Variants in NTM observed in about 807,000 individuals in gnomAD.
NTM encodes IgLON family member 2.
A neutral mutation model predicts 42.1 loss-of-function variants in NTM; 13 were observed. The ratio of observed to expected loss-of-function variants is 0.31; its 90% confidence interval spans 0.20 to 0.49. The LOEUF (loss-of-function observed/expected upper bound fraction) is 0.49. Ranked by LOEUF, NTM falls within the 20% of genes least tolerant of loss-of-function variation. NTM has a pLI of 0.99. For synonymous variants in NTM, 187 were observed against 179.2 expected (o/e 1.04, Z -0.35); for missense variants, 373 against 452.8 (o/e 0.82, Z 1.60).
At chr11:131,423,197 C>T (rs945913887) in intron 1 of NTM, among the ~76,000 whole-genome samples, 20 of 152,172 alleles carry the variant, frequency 1.3e-4, no homozygotes, top group Non-Finnish European at 2.6e-4. Flanking sequence ...CATCCTTTCA[C>T]TTATTACTTA....
intron 1 of NTM, among the ~76,000 whole-genome samples, chr11:131,500,623 TG>T (rs1314346434): frequency 6.9e-6 from 1 of 145,874 alleles, no homozygotes; most frequent in Non-Finnish European, 1.5e-5. Flanking sequence ...CTAGGGTACA[TG>T]GGCACAACGT....
At chr11:132,314,861 G>C in intron 7 of NTM, 158 bp downstream of exon 7, 1 of 1,387,180 alleles carries the variant, frequency 7.2e-7, no homozygotes, top group South Asian at 1.9e-5. Flanking sequence ...AAGAAATGGA[G>C]AGAGAGGGAC....
At chr11:131,826,636 A>C (rs1250918183) in intron 1 of NTM, among the ~76,000 whole-genome samples, 1 of 151,704 alleles carries the variant, frequency 6.6e-6, no homozygotes, top group Non-Finnish European at 1.5e-5. Flanking sequence ...AGGAAAGAAG[A>C]GCAAAGGCCA....
intron 1 of NTM, among the ~76,000 whole-genome samples, chr11:131,720,748 C>A (rs2135395068): frequency 6.6e-6 from 1 of 152,314 alleles, no homozygotes; most frequent in South Asian, 2.1e-4. Context: ...CAACTTCCAA[C>A]TGTGAAACAG....
chr11:132,057,126 A>G (rs1482261920), intron 2 of NTM, among the ~76,000 whole-genome samples: 1 of 152,226 alleles, frequency 6.6e-6, no homozygotes, highest in African/African-American at 2.4e-5. Context: ...AAAAAGAGCA[A>G]ATGTTTAGCC....
chr11:131,473,333 A>C (rs1301683046), intron 1 of NTM, among the ~76,000 whole-genome samples: 3 of 152,056 alleles, frequency 2.0e-5, no homozygotes, highest in African/African-American at 7.2e-5. Context: ...CTGCTCCAAG[A>C]GGGTTTCCTA....
At chr11:131,804,715 T>A (rs1006395100) in intron 1 of NTM, among the ~76,000 whole-genome samples, 9 of 152,190 alleles carry the variant, frequency 5.9e-5, no homozygotes, top group African/African-American at 2.2e-4. Context: ...TCTCTATTGC[T>A]GTGGTTTGCA....
intron 1 of NTM, among the ~76,000 whole-genome samples, chr11:131,422,801 A>AT (rs1947674501): frequency 6.6e-6 from 1 of 152,156 alleles, no homozygotes; most frequent in Admixed American, 6.6e-5. Context: ...TATCTGATGC[A>AT]TTTTACATGT....
intron 1 of NTM, chr11:131,534,998 A>G (rs1030800085): frequency 1.3e-5 from 2 of 152,200 alleles, no homozygotes; most frequent in African/African-American, 4.8e-5. Context: ...TTGCTCTGCA[A>G]CCACCACTGA....
intron 2 of NTM, among the ~76,000 whole-genome samples, chr11:132,038,990 G>T (rs776941037): frequency 1.3e-5 from 2 of 152,158 alleles, no homozygotes; most frequent in Non-Finnish European, 2.9e-5. Context: ...CTCAAGTCTT[G>T]CTCCGTGTCT....
chr11:131,682,070 C>T (rs1177116596), intron 1 of NTM, among the ~76,000 whole-genome samples: 1 of 152,110 alleles, frequency 6.6e-6, no homozygotes, highest in Non-Finnish European at 1.5e-5. Context: ...CAGGCAGAAC[C>T]GACGCACCTA....
intron 1 of NTM, among the ~76,000 whole-genome samples, chr11:131,573,893 C>G (rs2057690258): frequency 6.6e-6 from 1 of 152,186 alleles, no homozygotes; most frequent in East Asian, 1.9e-4. Context: ...CCTGCGGGCA[C>G]TGGAATCTCC....
At chr11:131,851,532 C>CGCGCGTGTGTGTGTGTGTGT (rs147213224) in intron 1 of NTM, among the ~76,000 whole-genome samples, 2 of 146,702 alleles carry the variant, frequency 1.4e-5, no homozygotes, top group Admixed American at 6.8e-5. Context: ...GTGAGAATGG[C>CGCGCGTGTGTGTGTGTGTGT]GTGTGTGTGT....
chr11:131,993,160 A>G (rs78577020), intron 2 of NTM, among the ~76,000 whole-genome samples: 4,405 of 152,266 alleles, frequency 0.029, 196 homozygotes, highest in African/African-American at 0.1. Flanking sequence ...TCATGGGATC[A>G]ATTTGCGTCA....
In NTM at chr11:132,282,976, C is replaced by CTTTTTTTTTTTTTTTTTTT. The variant is rs142817071; in HGVS notation, c.527-24706_527-24688dup. 2.0e-3 allele frequency among the ~76,000 whole-genome samples: 218 copies of CTTTTTTTTTTTTTTTTTTT among 108,960 alleles called. 12 individuals carry two copies. The highest frequency in any genetic ancestry group is 2.7e-3 in the East Asian group (9 of 3,278). The allele number at this position is 108,960 out of a possible 152,430, so 71.5% of individuals were successfully genotyped here. ...AATGAAACGGGAAATTCCTTTATTC[C>CTTTTTTTTTTTTTTTTTTT]TTTTTTTTTTTTTTTTTTTTTTTTT... On this transcript the variant is annotated intron_variant, in intron 4 of 8. Coordinates refer to ENST00000683400, the MANE Select transcript of NTM (RefSeq NM_001352005.2).
intron 2 of NTM, among the ~76,000 whole-genome samples, chr11:131,968,491 C>T (rs975371498): frequency 6.6e-6 from 1 of 152,156 alleles, no homozygotes; most frequent in African/African-American, 2.4e-5. Context: ...CAATCGTACC[C>T]AGCAAAAGTA....
chr11:131,867,476 AGTGT>A (rs538970529), intron 1 of NTM, among the ~76,000 whole-genome samples: 137 of 147,978 alleles, frequency 9.3e-4, no homozygotes, highest in African/African-American at 3.3e-3. Flanking sequence ...TGTGTGTCTG[AGTGT>A]GTGTCTACCT....
chr11:132,231,212 A>G (rs571582964), intron 4 of NTM, among the ~76,000 whole-genome samples: 1 of 152,278 alleles, frequency 6.6e-6, no homozygotes, highest in South Asian at 2.1e-4. Context: ...CATCTTCAAG[A>G]CCTTTTCACA....
At chr11:132,257,113 T>C (rs1044015005) in intron 4 of NTM, among the ~76,000 whole-genome samples, 3 of 152,074 alleles carry the variant, frequency 2.0e-5, no homozygotes, top group Admixed American at 6.5e-5. Context: ...AGGGGGAAAA[T>C]GCACATCAGT....
Sources: gnomAD v4.1 joint callset for allele counts (sites outside exome capture counted in the v4.1 genomes callset) on GRCh38, gnomAD v4.1.1 for gene constraint, MANE v1.5 for transcripts, NCBI Gene and HGNC (gene_info 2026-07-23, HGNC 2026-07-21) for gene names.